CLNK: variants seen among roughly 807,000 people sequenced by gnomAD.
CLNK encodes the protein cytokine-dependent hematopoietic cell linker.
CLNK carries 74 observed loss-of-function variants against 68.6 expected under a neutral mutation model. The ratio of observed to expected loss-of-function variants is 1.08; its 90% CI spans 0.89 to 1.31. The LOEUF is 1.31. CLNK is among the 50% of genes most tolerant of loss of function. The pLI is 0.00. For synonymous variants in CLNK, 198 were observed against 172.2 expected, an observed-to-expected ratio of 1.15 and a Z score of -1.17; for missense variants, 553 against 515.3, an observed-to-expected ratio of 1.07 and a Z score of -0.71.
chr4:10,548,778 C>T (rs893329378), intron 8 of CLNK, among the ~76,000 whole-genome samples: 31 of 152,194 alleles, frequency 2.0e-4, no homozygotes, highest in African/African-American at 7.0e-4. Flanking sequence ...TTTGAAGAGA[C>T]CATCTTGTCT....
At chr4:10,689,756 T>TTTTTTTTTTTG (rs1725396998), upstream of CLNK, among the ~76,000 whole-genome samples, 3 of 147,866 alleles carry the variant, frequency 2.0e-5, no homozygotes. Flanking sequence ...TTTTTTTTTT[T>TTTTTTTTTTTG]TTTTTTACAA....
chr4:10,591,708 C>T (rs184811820), intron 3 of CLNK, among the ~76,000 whole-genome samples: 6 of 152,308 alleles, frequency 3.9e-5, no homozygotes, highest in South Asian at 2.1e-4. Flanking sequence ...TGCACAAGTG[C>T]CACTTAAATT....
intron 2 of CLNK, among the ~76,000 whole-genome samples, chr4:10,641,722 C>G (rs1723312103): frequency 6.6e-6 from 1 of 152,212 alleles, no homozygotes; most frequent in Admixed American, 6.5e-5. Context: ...AACTCTCCTA[C>G]TGATATGGTT....
At chr4:10,674,084 G>T (rs1159437310) in intron 1 of CLNK, among the ~76,000 whole-genome samples, 2 of 152,176 alleles carry the variant, frequency 1.3e-5, no homozygotes, top group Non-Finnish European at 2.9e-5. Flanking sequence ...TCACAGCAGG[G>T]CACTTGGCAT....
chr4:10,636,597 T>C (rs902155759), intron 2 of CLNK, among the ~76,000 whole-genome samples: 3 of 151,834 alleles, frequency 2.0e-5, no homozygotes, highest in Non-Finnish European at 4.4e-5. Context: ...TGAGTGGTCT[T>C]GGGTAGAGGG....
At chr4:10,622,538 G>C (rs1339904118) in intron 2 of CLNK, among the ~76,000 whole-genome samples, 1 of 152,148 alleles carries the variant, frequency 6.6e-6, no homozygotes, top group East Asian at 1.9e-4. Flanking sequence ...AAACAGTATA[G>C]GACAGAAAGG....
chr4:10,679,809 A>T (rs1725022233), intron 1 of CLNK, among the ~76,000 whole-genome samples: 1 of 152,164 alleles, frequency 6.6e-6, no homozygotes, highest in Non-Finnish European at 1.5e-5. Flanking sequence ...AATCAAAACC[A>T]CAATGAGATA....
At chr4:10,540,722 T>G (rs1718979730) in intron 10 of CLNK, 118 bp from the exon 11 acceptor site, 1 of 689,638 alleles carries the variant, frequency 1.5e-6, no homozygotes, top group African/African-American at 1.8e-5. Flanking sequence ...AAATGCTAGT[T>G]TTTGGATGCT....
At chr4:10,643,160 GA>G (rs1351029556) in intron 2 of CLNK, among the ~76,000 whole-genome samples, 1 of 152,124 alleles carries the variant, frequency 6.6e-6, no homozygotes, top group East Asian at 1.9e-4. Context: ...ACCTGGAAAA[GA>G]ATGAATCTTC....
At chr4:10,622,780 T>C (rs1722508352) in intron 2 of CLNK, among the ~76,000 whole-genome samples, 3 of 152,182 alleles carry the variant, frequency 2.0e-5, no homozygotes, top group South Asian at 4.1e-4. Flanking sequence ...GTTTGAATAA[T>C]AAACATTTAT....
At chr4:10,548,865 G>T (rs985366839) in intron 8 of CLNK, among the ~76,000 whole-genome samples, 3 of 152,196 alleles carry the variant, frequency 2.0e-5, no homozygotes, top group African/African-American at 7.2e-5. Flanking sequence ...TCTGCACTCT[G>T]CCTTACTTGT....
At chr4:10,724,293 C>T in the CLNK span, among the ~76,000 whole-genome samples, 1 of 152,140 alleles carries the variant, frequency 6.6e-6, no homozygotes, top group Non-Finnish European at 1.5e-5. Context: ...TCGCCTCCTC[C>T]TTCAAGTTGT....
At position 10,488,203 on chromosome 4, in the gene CLNK, C is replaced by G. The variant is rs953252987; in HGVS notation, c.*2264G>C. 2.0e-5 allele frequency: 3 copies of G among 152,094 alleles called. No individual in the cohort carries two copies. The highest frequency in any genetic ancestry group is 4.2e-4 in the South Asian group (2 of 4,818). 9.4% of individuals were successfully genotyped at this position (152,094 alleles called of 1,614,324 possible). A position where few individuals can be genotyped will look rare whatever the true frequency, so the allele number is the denominator to read the frequency against. On this transcript the variant is annotated 3_prime_UTR_variant, in exon 19 of 19. Coordinates refer to ENST00000226951, the MANE Select transcript of CLNK (RefSeq NM_052964.4). ...TGGAATTATATGTTGTATTTGTGAA[C>G]AAGAGACGATAAAATATTATTTCAA...
At chr4:10,548,965 T>A (rs1253124674) in intron 8 of CLNK, among the ~76,000 whole-genome samples, 1 of 152,238 alleles carries the variant, frequency 6.6e-6, no homozygotes, top group Non-Finnish European at 1.5e-5. Context: ...TTCCTTTTAC[T>A]CAAGATTGCC....
intron 7 of CLNK, among the ~76,000 whole-genome samples, chr4:10,563,154 TAAC>T (rs1327258417): frequency 1.3e-5 from 2 of 152,196 alleles, no homozygotes; most frequent in Non-Finnish European, 2.9e-5. Context: ...CTGTCCAAAT[TAAC>T]AGAAGCCCTC....
chr4:10,522,046 CAGG>C (rs1004237192), intron 14 of CLNK, among the ~76,000 whole-genome samples: 2 of 151,940 alleles, frequency 1.3e-5, no homozygotes, highest in African/African-American at 4.8e-5. Flanking sequence ...ATCACAAGGT[CAGG>C]AGATCGAGAC....
At chr4:10,670,890 C>G (rs1367155042) in intron 1 of CLNK, among the ~76,000 whole-genome samples, 1 of 152,152 alleles carries the variant, frequency 6.6e-6, no homozygotes, top group South Asian at 2.1e-4. Flanking sequence ...CGCAAGGGAT[C>G]AGGGAGGAAT....
At chr4:10,628,826 C>T (rs1344080737) in intron 2 of CLNK, among the ~76,000 whole-genome samples, 5 of 152,156 alleles carry the variant, frequency 3.3e-5, no homozygotes, top group African/African-American at 1.2e-4. Flanking sequence ...GCCTAAAGTC[C>T]AGACCTACCA....
At chr4:10,626,553 C>T (rs762455861) in intron 2 of CLNK, among the ~76,000 whole-genome samples, 11 of 151,360 alleles carry the variant, frequency 7.3e-5, no homozygotes, top group South Asian at 6.3e-4. Context: ...AATTAACACA[C>T]GAGAAAATTG....
Sources: gnomAD v4.1 joint callset for allele counts (sites outside exome capture counted in the v4.1 genomes callset) on GRCh38, gnomAD v4.1.1 for gene constraint, MANE v1.5 for transcripts, NCBI Gene and HGNC (gene_info 2026-07-23, HGNC 2026-07-21) for gene names.